CPE: variants seen among roughly 807,000 people sequenced by gnomAD.
The protein encoded by CPE is carbocypeptidase E.
CPE carries 17 observed loss-of-function variants against 53.5 expected under a neutral mutation model. That is an observed-to-expected ratio of 0.32 (90% confidence interval 0.22 to 0.48). The LOEUF is 0.48. Ranked by LOEUF, CPE falls within the 20% of genes least tolerant of loss-of-function variation. The pLI is 0.99. For synonymous variants in CPE, 226 were observed against 228.8 expected, an observed-to-expected ratio of 0.99 and a Z score of 0.11; for missense variants, 524 against 614.7, an observed-to-expected ratio of 0.85 and a Z score of 1.56.
At chr4:165,415,895 G>A (rs1731115008) in intron 1 of CPE, among the ~76,000 whole-genome samples, 1 of 151,960 alleles carries the variant, frequency 6.6e-6, no homozygotes, top group African/African-American at 2.4e-5. Context: ...TTTGTTTTCG[G>A]TCCAAGAATG....
intron 3 of CPE, among the ~76,000 whole-genome samples, chr4:165,479,686 A>AT (rs1230907757): frequency 6.6e-6 from 1 of 152,056 alleles, no homozygotes; most frequent in East Asian, 1.9e-4. Context: ...GTCAGAGCTA[A>AT]TTTTTTTTAC....
intron 5 of CPE, among the ~76,000 whole-genome samples, chr4:165,486,706 T>C (rs1732510556): frequency 1.3e-5 from 2 of 152,184 alleles, no homozygotes; most frequent in Non-Finnish European, 2.9e-5. Context: ...CGTATCCGAT[T>C]GCCCCCCTAC....
chr4:165,432,063 T>C (rs1353485448), intron 1 of CPE, among the ~76,000 whole-genome samples: 2 of 151,530 alleles, frequency 1.3e-5, no homozygotes, highest in African/African-American at 4.9e-5. Flanking sequence ...ATCAGTATGA[T>C]GCCAGAGAAA....
chr4:165,457,882 C>T lies in CPE; in HGVS notation c.308-6508C>T, dbSNP rs116113797. Among the ~76,000 whole-genome samples, 1,491 of 152,224 alleles carry T rather than the reference C, an allele frequency of 9.8e-3. 11 individuals carry two copies. The highest frequency in any genetic ancestry group is 0.028 in the South Asian group (134 of 4,824). ...GTAAGTGAGTAATCTGTTTTTGTAA[C>T]CATCCTACCCCCTCGTGTTGTTTAT... On this transcript the variant is annotated intron_variant, in intron 1 of 8. Transcript: ENST00000402744.
chr4:165,447,579 A>G (rs1731738290), intron 1 of CPE, among the ~76,000 whole-genome samples: 1 of 151,702 alleles, frequency 6.6e-6, no homozygotes, highest in South Asian at 2.1e-4. Flanking sequence ...TTTAAAAAAA[A>G]AAAAAGAAAA....
At chr4:165,405,794 C>T (rs1337213384) in intron 1 of CPE, 2 of 828,006 alleles carry the variant, frequency 2.4e-6, no homozygotes. Flanking sequence ...GGCACACCCA[C>T]CATTTTGGGC....
chr4:165,404,286 C>G lies in CPE; in HGVS notation c.307+24758C>G, dbSNP rs941762973. 5.2e-6 allele frequency: 4 copies of G among 770,024 alleles called. No individual in the cohort carries two copies. In the Admixed American group the frequency reaches 6.8e-5, roughly 13 times the overall value. The allele number at this position is 770,024 out of a possible 1,614,324, so 47.7% of individuals were successfully genotyped here. On this transcript the variant is annotated intron_variant, in intron 1 of 8. Transcript: ENST00000402744. ...TCTGCAGGTGTGGCCAAGATCCCCT[C>G]TTGCGGGCACGTGACTGCCTCATTC...
At chr4:165,459,681 G>GA (rs1553976496) in intron 1 of CPE, among the ~76,000 whole-genome samples, 1 of 128,736 alleles carries the variant, frequency 7.8e-6, no homozygotes, top group Non-Finnish European at 1.6e-5. Flanking sequence ...GGGTGGGGGG[G>GA]GGCGGGGCAG....
intron 1 of CPE, among the ~76,000 whole-genome samples, chr4:165,395,167 A>C (rs1730743459): frequency 6.6e-6 from 1 of 152,186 alleles, no homozygotes; most frequent in South Asian, 2.1e-4. Flanking sequence ...GTTTATGTGA[A>C]AGGGTGTGTT....
intron 1 of CPE, among the ~76,000 whole-genome samples, chr4:165,428,345 G>A (rs907720836): frequency 1.8e-4 from 27 of 152,162 alleles, no homozygotes; most frequent in Non-Finnish European, 3.5e-4. Context: ...GTGCCTGGCT[G>A]TCCTGTATTT....
rs1467639638 is a variant in CPE at position 165,379,346 on chromosome 4, G to A, written c.125G>A (p.Arg42Gln). The stretch of plus-strand genomic sequence containing the variant: ...GCGGCGGGCATGAGGCGGCGCCGGC[G>A]GCTGCAGCAAGAGGACGGCATCTCC... Reference protein sequence around the residue: ...APAAGMRRRRRLQQEDGISFE... With the variant: ...APAAGMRRRRQLQQEDGISFE... Residue 42 changes from arginine to glutamine, a missense_variant, in exon 1 of 9, where the codon CGG becomes CAG. Coordinates refer to ENST00000402744, the MANE Select transcript of CPE (RefSeq NM_001873.4). This position sits in a 1 kb window ranked among gnomAD's most constrained non-coding sequence, Gnocchi z 6.0. 1.3e-6 allele frequency: 2 copies of A among 1,588,526 alleles called. No individual in the cohort carries two copies. Among genetic ancestry groups the A allele is most frequent in the Non-Finnish European group, 1.7e-6 (2 of 1,171,292 alleles).
chr4:165,387,369 A>C (rs1208298465), intron 1 of CPE, among the ~76,000 whole-genome samples: 1 of 152,216 alleles, frequency 6.6e-6, no homozygotes, highest in African/African-American at 2.4e-5. Flanking sequence ...TCTCTTTACT[A>C]TCAAATCATT....
At chr4:165,470,848 T>C (rs1732193187) in intron 3 of CPE, among the ~76,000 whole-genome samples, 1 of 152,140 alleles carries the variant, frequency 6.6e-6, no homozygotes, top group Non-Finnish European at 1.5e-5. Flanking sequence ...CACCTCTTGC[T>C]AGCTGTCAGG....
At chr4:165,425,097 G>A (rs1731296002) in intron 1 of CPE, among the ~76,000 whole-genome samples, 1 of 151,532 alleles carries the variant, frequency 6.6e-6, no homozygotes, top group Admixed American at 6.6e-5. Flanking sequence ...AGGGTGGTCT[G>A]GAACTCCTGA....
intron 1 of CPE, among the ~76,000 whole-genome samples, chr4:165,383,994 G>A (rs1730545674): frequency 1.3e-5 from 2 of 152,192 alleles, no homozygotes; most frequent in South Asian, 4.1e-4. Flanking sequence ...GCCCCTACAT[G>A]ATAGCCTTTG....
chr4:165,441,109 G>C (rs1399870628), intron 1 of CPE, among the ~76,000 whole-genome samples: 4 of 152,096 alleles, frequency 2.6e-5, no homozygotes, highest in Non-Finnish European at 5.9e-5. Flanking sequence ...ATTCCCAGGG[G>C]GTGACCACAT....
At chr4:165,462,600 G>A (rs999062905) in intron 1 of CPE, among the ~76,000 whole-genome samples, 1 of 152,156 alleles carries the variant, frequency 6.6e-6, no homozygotes, top group Non-Finnish European at 1.5e-5. Context: ...ATAAATGAGG[G>A]TATAAACTGC....
intron 6 of CPE, among the ~76,000 whole-genome samples, chr4:165,489,545 C>A (rs1732564666): frequency 6.6e-6 from 1 of 152,184 alleles, no homozygotes; most frequent in African/African-American, 2.4e-5. Flanking sequence ...CAGAAGGGGA[C>A]CTAACCGAGT....
At position 165,497,558 on chromosome 4, in the gene CPE, A is replaced by G; in HGVS notation, c.1379A>G (p.Lys460Arg). The G allele has an allele frequency of 1.9e-6, 3 of 1,585,042 alleles. No individual in the cohort carries two copies. Among genetic ancestry groups the G allele is most frequent in the South Asian group, 2.4e-5 (2 of 83,886 alleles). The change falls in exon 9 of 9, where the codon AAG becomes AGG. Residue 460 changes from lysine (K) to arginine (R), a missense_variant. Lys to Arg is a conservative substitution (Grantham distance 26). Coordinates refer to ENST00000402744, the MANE Select transcript of CPE (RefSeq NM_001873.4). ...ESFSERKEEE[K>R]EELMEWWKMM... ...TTTTCTGAAAGGAAAGAAGAGGAGA[A>G]GGAAGAATTGATGGAATGGTGGAAA...
Sources: gnomAD v4.1 joint callset for allele counts (sites outside exome capture counted in the v4.1 genomes callset) on GRCh38, gnomAD v4.1.1 for gene constraint, Gnocchi (gnomAD v3.1) non-coding constraint, MANE v1.5 for transcripts, NCBI Gene and HGNC (gene_info 2026-07-23, HGNC 2026-07-21) for gene names.